Variants in ARHGAP28 observed in about 807,000 individuals in gnomAD.
ARHGAP28 encodes the protein rho GTPase-activating protein 28.
ARHGAP28 carries 56 observed loss-of-function variants against 90.7 expected under a neutral mutation model. The observed-to-expected ratio is 0.62, with a 90% CI of 0.50 to 0.77. The LOEUF is 0.77. ARHGAP28 is among the 30% of genes least tolerant of loss of function. The pLI, the probability that ARHGAP28 is intolerant of heterozygous loss-of-function variation, is 0.00. For synonymous variants in ARHGAP28, 308 were observed against 323.3 expected (o/e 0.95, Z 0.51); for missense variants, 869 against 900.9 (o/e 0.96, Z 0.45).
intron 1 of ARHGAP28, among the ~76,000 whole-genome samples, chr18:6,749,877 A>T (rs1040517274): frequency 6.6e-6 from 1 of 152,216 alleles, no homozygotes; most frequent in Non-Finnish European, 1.5e-5. Flanking sequence ...ATTCTCAAAT[A>T]GTAAAGTGTA....
intron 2 of ARHGAP28, among the ~76,000 whole-genome samples, chr18:6,835,318 A>C (rs1433967226): frequency 6.6e-6 from 1 of 152,214 alleles, no homozygotes; most frequent in Non-Finnish European, 1.5e-5. Context: ...TTAAAAGCTT[A>C]TCTATAGCTT....
At chr18:6,741,344 C>A (rs2143180313) in intron 1 of ARHGAP28, among the ~76,000 whole-genome samples, 1 of 152,252 alleles carries the variant, frequency 6.6e-6, no homozygotes, top group African/African-American at 2.4e-5. Flanking sequence ...GTCGACTTGG[C>A]AACTGTTTTC....
At chr18:6,737,020 T>G (rs533446130) in intron 1 of ARHGAP28, among the ~76,000 whole-genome samples, 32 of 152,300 alleles carry the variant, frequency 2.1e-4, no homozygotes, top group Non-Finnish European at 4.1e-4. Context: ...TAAACAATTT[T>G]GTTTCTGAGG....
At chr18:6,853,834 C>T (rs1372096805) in intron 4 of ARHGAP28, among the ~76,000 whole-genome samples, 1 of 152,150 alleles carries the variant, frequency 6.6e-6, no homozygotes, top group Non-Finnish European at 1.5e-5. Context: ...GTTGTTCCAC[C>T]TTTCCAGATC....
intron 7 of ARHGAP28, 132 bp downstream of exon 7, chr18:6,870,864 G>T (rs529686750): frequency 9.8e-6 from 9 of 919,390 alleles, no homozygotes; most frequent in African/African-American, 3.4e-5. Flanking sequence ...GCAGTGGCGC[G>T]ATCTCGGCTC....
rs748649231 is a variant in ARHGAP28, at chr18:6,890,524, G to A, written c.1829G>A (p.Arg610Lys). 1 of 1,611,240 alleles carries A rather than the reference G, an allele frequency of 6.2e-7. No individual in the cohort carries two copies. The highest frequency in any genetic ancestry group is 8.5e-7 in the Non-Finnish European group (1 of 1,179,006). The change falls in exon 14 of 18, where the codon AGG becomes AAG. Residue 610 changes from arginine (R) to lysine (K), a missense_variant. Physicochemically the swap from Arg to Lys is conservative, Grantham distance 26. Coordinates refer to ENST00000383472, the MANE Select transcript of ARHGAP28 (RefSeq NM_001366230.1). ...QLPSVRKLLR[R>K]KTLERETASP... ...CCAAGTGTCAGGAAGCTGCTCAGGA[G>A]GAAGACCCTCGAGCGGGAGGTAAGA... is the stretch of plus-strand genomic sequence containing the variant.
intron 1 of ARHGAP28, among the ~76,000 whole-genome samples, chr18:6,808,938 A>G (rs1471582562): frequency 2.0e-5 from 3 of 152,228 alleles, no homozygotes; most frequent in Non-Finnish European, 2.9e-5. Flanking sequence ...GGGGACCCCC[A>G]TGCCAATTCC....
chr18:6,890,602 G>A (rs575759759), intron 14 of ARHGAP28, 59 bp downstream of exon 14: 23 of 1,043,158 alleles, frequency 2.2e-5, no homozygotes, highest in African/African-American at 1.1e-4. Flanking sequence ...CTCCTCAAAG[G>A]GGGGCACAAA....
intron 1 of ARHGAP28, among the ~76,000 whole-genome samples, chr18:6,786,549 G>A (rs1246763831): frequency 6.6e-6 from 1 of 151,910 alleles, no homozygotes; most frequent in South Asian, 2.1e-4. Flanking sequence ...CCAACCACAC[G>A]CCCCCCAGCA....
intron 1 of ARHGAP28, among the ~76,000 whole-genome samples, chr18:6,796,295 G>A (rs1485449453): frequency 1.3e-5 from 2 of 151,758 alleles, no homozygotes; most frequent in Non-Finnish European, 2.9e-5. Flanking sequence ...TTTTTTCAGA[G>A]CGTATTGAGA....
intron 4 of ARHGAP28, among the ~76,000 whole-genome samples, chr18:6,858,409 C>G (rs2056970967): frequency 1.3e-5 from 2 of 152,228 alleles, no homozygotes; most frequent in Admixed American, 1.3e-4. Context: ...CTCATTTGGC[C>G]TGCTATGGAA....
At chr18:6,836,768 C>A (rs909476144) in intron 2 of ARHGAP28, among the ~76,000 whole-genome samples, 2 of 152,148 alleles carry the variant, frequency 1.3e-5, no homozygotes, top group Non-Finnish European at 2.9e-5. Context: ...CTCGAGATAT[C>A]GTTAAGACTT....
rs891871482 is a variant in ARHGAP28 at position 6,782,422 on chromosome 18, A to G, written c.123-42340A>G. Among the ~76,000 whole-genome samples, 5 of 151,468 alleles carry G rather than the reference A, an allele frequency of 3.3e-5. No homozygotes were observed. In the South Asian group the frequency reaches 1.0e-3, roughly 32 times the overall value. ...ATATAATGTCAAGACATTAATTATT[A>G]TTATTATTATTTTGAGATAGAGTCT... On this transcript the variant is annotated intron_variant, in intron 1 of 17. Coordinates refer to ENST00000383472, the MANE Select transcript of ARHGAP28 (RefSeq NM_001366230.1).
At chr18:6,779,699 A>G (rs1194954105) in intron 1 of ARHGAP28, among the ~76,000 whole-genome samples, 1 of 152,212 alleles carries the variant, frequency 6.6e-6, no homozygotes, top group Admixed American at 6.5e-5. Flanking sequence ...CTATTTTTGT[A>G]TAGCATTTTA....
intron 16 of ARHGAP28, among the ~76,000 whole-genome samples, chr18:6,906,371 G>A (rs1159363963): frequency 2.0e-5 from 3 of 152,106 alleles, no homozygotes; most frequent in Non-Finnish European, 2.9e-5. Flanking sequence ...AACCATCACC[G>A]TCATTCATAC....
At chr18:6,847,354 C>T (rs556523433) in intron 3 of ARHGAP28, among the ~76,000 whole-genome samples, 1 of 152,114 alleles carries the variant, frequency 6.6e-6, no homozygotes, top group Non-Finnish European at 1.5e-5. Context: ...CCTTACGTTC[C>T]ATATTTTGCC....
At chr18:6,893,009 C>T (rs1357930251) in intron 14 of ARHGAP28, among the ~76,000 whole-genome samples, 1 of 152,200 alleles carries the variant, frequency 6.6e-6, no homozygotes, top group Admixed American at 6.5e-5. Context: ...AGGCTTTTTA[C>T]AGCCTTTATT....
At chr18:6,746,399 G>A (rs1210488384) in intron 1 of ARHGAP28, among the ~76,000 whole-genome samples, 1 of 152,146 alleles carries the variant, frequency 6.6e-6, no homozygotes, top group South Asian at 2.1e-4. Flanking sequence ...AACCAATAGG[G>A]TTGATTGTGT....
At position 6,835,302 on chromosome 18, in the gene ARHGAP28, C is replaced by T. The variant is rs1236418739; in HGVS notation, c.326-1895C>T. On this transcript the variant is annotated intron_variant, in intron 2 of 17. Coordinates refer to ENST00000383472, the MANE Select transcript of ARHGAP28 (RefSeq NM_001366230.1). ...AATATTAAATTGTAAATTTTGTCTTCAGAAATTAAAAGCTTATCTATAGCT... is the reference window on the plus strand; with the variant it reads ...AATATTAAATTGTAAATTTTGTCTTTAGAAATTAAAAGCTTATCTATAGCT... Among the ~76,000 whole-genome samples the T allele has an allele frequency of 4.6e-5, 7 of 152,068 alleles. No individual in the cohort carries two copies. The South Asian group carries it at 1.5e-3, about 32-fold the overall frequency.
Sources: gnomAD v4.1 joint callset for allele counts (sites outside exome capture counted in the v4.1 genomes callset) on GRCh38, gnomAD v4.1.1 for gene constraint, MANE v1.5 for transcripts, NCBI Gene and HGNC (gene_info 2026-07-23, HGNC 2026-07-21) for gene names.